ARHGAP24: variants seen among roughly 807,000 people sequenced by gnomAD.
The protein encoded by ARHGAP24 is Rho GTPase activating protein 24.
ARHGAP24 carries 50 observed loss-of-function variants against 76.4 expected under a neutral mutation model. That is an observed-to-expected ratio of 0.65 (90% confidence interval 0.52 to 0.83). The LOEUF is 0.83. Among genes scored for constraint, ARHGAP24 ranks in the 40% least tolerant of loss-of-function variants. ARHGAP24 has a pLI of 0.00. For missense variants in ARHGAP24, 930 were observed against 914.2 expected (o/e 1.02, Z -0.22); for synonymous variants, 345 against 323.3 (o/e 1.07, Z -0.72).
intron 4 of ARHGAP24, among the ~76,000 whole-genome samples, chr4:85,936,745 T>C (rs924591730): frequency 2.0e-5 from 3 of 152,134 alleles, no homozygotes; most frequent in Non-Finnish European, 4.4e-5. Flanking sequence ...GGAATGTCAG[T>C]AAAGACTTCA....
chr4:85,785,059 G>A (rs1727767505), intron 3 of ARHGAP24, among the ~76,000 whole-genome samples: 1 of 152,032 alleles, frequency 6.6e-6, no homozygotes, highest in Admixed American at 6.6e-5. Flanking sequence ...TTAGCAGATG[G>A]ACAGAAGCAG....
At chr4:85,856,586 T>C (rs1004532767) in intron 3 of ARHGAP24, among the ~76,000 whole-genome samples, 8 of 151,216 alleles carry the variant, frequency 5.3e-5, no homozygotes, top group African/African-American at 1.9e-4. Context: ...TTCTCCTGTC[T>C]CAGCCTCCCA....
rs1248254414 is a variant in ARHGAP24 at position 85,733,061 on chromosome 4, T to C, written c.268+11089T>C. On this transcript the variant is annotated intron_variant, in intron 3 of 9. Transcript: ENST00000395184. The stretch of plus-strand genomic sequence containing the variant: ...TATAGATCTTATAGGCCTCACCAAC[T>C]TTTTTTTTTTTTTTTTTTTTGAGAT... Among the ~76,000 whole-genome samples, 15 of 34,788 alleles carry C rather than the reference T, an allele frequency of 4.3e-4. 1 individual carries two copies. In the South Asian group the frequency reaches 7.0e-3, roughly 16 times the overall value. The allele number at this position is 34,788 out of a possible 152,430, so 22.8% of individuals were successfully genotyped here.
At chr4:85,847,507 A>C (rs896789551) in intron 3 of ARHGAP24, among the ~76,000 whole-genome samples, 24 of 152,212 alleles carry the variant, frequency 1.6e-4, no homozygotes, top group Non-Finnish European at 5.9e-5. Flanking sequence ...GAACGGGTGG[A>C]GGAAAGTGTT....
intron 9 of ARHGAP24, among the ~76,000 whole-genome samples, chr4:85,995,869 T>A (rs1740631956): frequency 6.6e-6 from 1 of 152,166 alleles, no homozygotes; most frequent in Admixed American, 6.5e-5. Flanking sequence ...ACTAGTAGTA[T>A]CTACCTCAAA....
intron 5 of ARHGAP24, among the ~76,000 whole-genome samples, chr4:85,959,645 C>G (rs1458421930): frequency 1.3e-5 from 2 of 152,106 alleles, no homozygotes; most frequent in African/African-American, 4.8e-5. Context: ...TGGCTATTAT[C>G]AATAAGATTT....
At chr4:85,624,887 G>T (rs180892365) in intron 2 of ARHGAP24, among the ~76,000 whole-genome samples, 1 of 152,144 alleles carries the variant, frequency 6.6e-6, no homozygotes, top group Non-Finnish European at 1.5e-5. Flanking sequence ...TTCTCTGATC[G>T]TAGTTTGTAT....
At chr4:85,967,522 G>A (rs1738692562) in intron 5 of ARHGAP24, among the ~76,000 whole-genome samples, 1 of 152,072 alleles carries the variant, frequency 6.6e-6, no homozygotes, top group Non-Finnish European at 1.5e-5. Flanking sequence ...GAGGAAACAC[G>A]ATTCAGACGT....
At chr4:85,988,627 G>A (rs1937519249) in intron 8 of ARHGAP24, among the ~76,000 whole-genome samples, 1 of 150,382 alleles carries the variant, frequency 6.6e-6, no homozygotes, top group African/African-American at 2.4e-5. Context: ...TTAAAAAAAA[G>A]GACATAAAAA....
chr4:85,623,378 G>C (rs367918464), intron 2 of ARHGAP24, among the ~76,000 whole-genome samples: 9 of 152,234 alleles, frequency 5.9e-5, no homozygotes, highest in East Asian at 3.9e-4. Context: ...GCTTGTTTTT[G>C]TCAGGTTTGT....
chr4:85,809,604 T>G (rs1268033674), intron 3 of ARHGAP24, among the ~76,000 whole-genome samples: 1 of 152,232 alleles, frequency 6.6e-6, no homozygotes, highest in Non-Finnish European at 1.5e-5. Context: ...CCTTCAATGC[T>G]TAGTTCTAAC....
chr4:85,995,275 A>G lies in ARHGAP24; in HGVS notation c.1621A>G (p.Met541Val), dbSNP rs767293513. ...TYDNVHQQFS[M>V]MNLDDKQSID... ...TGATAATGTCCATCAACAGTTCTCC[A>G]TGATGAACCTTGATGACAAGCAGAG... Residue 541 changes from methionine to valine, a missense_variant, in exon 9 of 10, where the codon ATG becomes GTG. Physicochemically the swap from Met to Val is conservative, Grantham distance 21. Coordinates refer to ENST00000395184, the MANE Select transcript of ARHGAP24 (RefSeq NM_001025616.3). 10 of 1,614,020 alleles carry G rather than the reference A, an allele frequency of 6.2e-6. No individual in the cohort carries two copies. The highest frequency in any genetic ancestry group is 2.2e-5 in the East Asian group (1 of 44,836).
intron 1 of ARHGAP24, among the ~76,000 whole-genome samples, chr4:85,545,186 G>A (rs1409975784): frequency 2.6e-5 from 4 of 151,636 alleles, no homozygotes; most frequent in Non-Finnish European, 5.9e-5. Context: ...TGCAACCTCC[G>A]CCTCGTGGGT....
intron 3 of ARHGAP24, among the ~76,000 whole-genome samples, chr4:85,764,166 A>C (rs760717920): frequency 7.2e-5 from 11 of 152,128 alleles, no homozygotes; most frequent in Non-Finnish European, 1.3e-4. Flanking sequence ...TTTACCACCA[A>C]GAAATCTCTA....
At chr4:85,539,069 GT>G (rs1725580426) in intron 1 of ARHGAP24, among the ~76,000 whole-genome samples, 4 of 152,070 alleles carry the variant, frequency 2.6e-5, no homozygotes, top group African/African-American at 9.7e-5. Context: ...AATATGAGAG[GT>G]TTTTTTACAC....
intron 3 of ARHGAP24, among the ~76,000 whole-genome samples, chr4:85,771,991 G>T (rs927774630): frequency 6.6e-6 from 1 of 152,146 alleles, no homozygotes; most frequent in African/African-American, 2.4e-5. Flanking sequence ...TTACAGATGT[G>T]AGCCACTGTG....
At chr4:85,751,050 C>T (rs367966771) in intron 3 of ARHGAP24, among the ~76,000 whole-genome samples, 8 of 152,180 alleles carry the variant, frequency 5.3e-5, no homozygotes, top group South Asian at 4.1e-4. Flanking sequence ...GCCTTCAAAT[C>T]ATCAATCTCT....
Position 85,610,451 on chromosome 4 carries a change from C to CAAAAAAAAAAAAAAAA in ARHGAP24, c.180+39746_180+39761dup, listed in dbSNP as rs57348830. ...AGAGTGAGGAGTGAGACTCCATCTA[C>CAAAAAAAAAAAAAAAA]AAAAAAAAAAAAAAAAAAAAAAAAA... On this transcript the variant is annotated intron_variant, in intron 2 of 9. Transcript: ENST00000395184. Among the ~76,000 whole-genome samples the CAAAAAAAAAAAAAAAA allele has an allele frequency of 1.2e-4, 6 of 51,240 alleles. 1 individual carries two copies. Among genetic ancestry groups the CAAAAAAAAAAAAAAAA allele is most frequent in the African/African-American group, 4.8e-4 (6 of 12,376 alleles). The allele number at this position is 51,240 out of a possible 152,430, so 33.6% of individuals were successfully genotyped here. A position where few individuals can be genotyped will look rare whatever the true frequency, so the allele number is the denominator to read the frequency against.
Position 85,583,532 on chromosome 4 carries a change from G to T in ARHGAP24, c.180+12811G>T, listed in dbSNP as rs187331203. ...ATTACCATTCAGGACATAGGCATGG[G>T]CAAGGACTTCATGTCTAAAACACCT... is the stretch of plus-strand genomic sequence containing the variant. On this transcript the variant is annotated intron_variant, in intron 2 of 9. Coordinates refer to ENST00000395184, the MANE Select transcript of ARHGAP24 (RefSeq NM_001025616.3). Among the ~76,000 whole-genome samples, 67 of 152,138 alleles carry T rather than the reference G, an allele frequency of 4.4e-4. No homozygotes were observed. The East Asian group carries it at 0.011, about 26-fold the overall frequency.
Sources: allele counts gnomAD v4.1 joint callset (sites outside exome capture counted in the v4.1 genomes callset), GRCh38; gene constraint gnomAD v4.1.1; transcripts MANE v1.5; gene names NCBI Gene and HGNC (gene_info 2026-07-23, HGNC 2026-07-21).